The following WBP11 variants were observed in gnomAD, a reference collection of about 807,000 sequenced individuals.
The protein encoded by WBP11 is WW domain binding protein 11, also known as WW domain-binding protein 11.
Under a neutral mutation model 66.7 loss-of-function variants are expected in WBP11, and 12 were observed. The observed-to-expected ratio is 0.18, with a 90% CI of 0.12 to 0.29. The LOEUF (loss-of-function observed/expected upper bound fraction) is 0.29. Among genes scored for constraint, WBP11 ranks in the 10% least tolerant of loss-of-function variants. WBP11 has a pLI of 1.00. For synonymous variants in WBP11, 255 were observed against 273.8 expected (o/e 0.93, Z 0.68); for missense variants, 555 against 818.3 (o/e 0.68, Z 3.93).
intron 4 of WBP11, 90 bp from the exon 5 acceptor site, chr12:14,797,093 C>T (rs1350294564): frequency 9.0e-7 from 1 of 1,106,750 alleles, no homozygotes; most frequent in Admixed American, 3.1e-5. Flanking sequence ...TCCATATATG[C>T]TAAAAAATTT....
Position 14,796,371 on chromosome 12 carries a change from T to C in WBP11, c.387+436A>G, listed in dbSNP as rs184880937. The stretch of plus-strand genomic sequence containing the variant: ...TGCAGGTTCACACAGTAGGTATATG[T>C]TTAGTTTTAGAAGAAACTGCTATAA... On this transcript the variant is annotated intron_variant, in intron 5 of 11. Transcript: ENST00000261167. This position sits in a 1 kb window ranked among gnomAD's most constrained non-coding sequence, Gnocchi z 4.5. 1.3e-5 allele frequency among the ~76,000 whole-genome samples: 2 copies of C among 152,328 alleles called. No individual in the cohort carries two copies. Among genetic ancestry groups the C allele is most frequent in the South Asian group, 2.1e-4 (1 of 4,824 alleles).
rs1333361396 is a variant in WBP11 at position 14,785,199 on chromosome 12, G to A, written c.*1866C>T. 6.6e-6 allele frequency: 1 copy of A among 152,164 alleles called. No homozygotes were observed. The highest frequency in any genetic ancestry group is 1.5e-5 in the Non-Finnish European group (1 of 68,054). The allele number at this position is 152,164 out of a possible 1,614,324, so 9.4% of individuals were successfully genotyped here. A position where few individuals can be genotyped will look rare whatever the true frequency, so the allele number is the denominator to read the frequency against. ...GGCCAGAGATCACTTGAACCCAGGA[G>A]TTTCAGGCTGCAGTGAGCTATGATC... On this transcript the variant is annotated 3_prime_UTR_variant, in exon 12 of 12. Coordinates refer to ENST00000261167, the MANE Select transcript of WBP11 (RefSeq NM_016312.3).
chr12:14,788,498 C>T (rs1375230443), intron 11 of WBP11, among the ~76,000 whole-genome samples: 2 of 151,572 alleles, frequency 1.3e-5, no homozygotes, highest in Non-Finnish European at 2.9e-5. Flanking sequence ...AAAGCCCCAG[C>T]TGGGGCACTG....
In WBP11 at chr12:14,785,984, TTTACA is replaced by T. The variant is rs1949750031; in HGVS notation, c.*1076_*1080del. The T allele has an allele frequency of 6.6e-6, 1 of 152,148 alleles. No homozygotes were observed. Among genetic ancestry groups the T allele is most frequent in the African/African-American group, 2.4e-5 (1 of 41,432 alleles). 9.4% of individuals were successfully genotyped at this position (152,148 alleles called of 1,614,324 possible). ...GAGTTAGTCTAAATTGGTAGATGAG[TTTACA>T]TTAAAGCACTTTGTAAAGAAAATGG... On this transcript the variant is annotated 3_prime_UTR_variant, in exon 12 of 12. Transcript: ENST00000261167.
At chr12:14,801,282 C>A in intron 2 of WBP11, 38 bp downstream of exon 2, 2 of 1,603,028 alleles carry the variant, frequency 1.2e-6, no homozygotes, top group Non-Finnish European at 1.7e-6. Context: ...ATTTTTAACA[C>A]TCTCCTACTT....
intron 4 of WBP11, 155 bp downstream of exon 4, chr12:14,799,480 A>AG (rs1275370050): frequency 7.6e-6 from 5 of 660,456 alleles, no homozygotes; most frequent in African/African-American, 7.5e-5. Flanking sequence ...ACAGCCCTCT[A>AG]GCACTCCATT....
In WBP11 at chr12:14,795,066, T is replaced by C. The variant is rs1390494989; in HGVS notation, c.426A>G (p.Pro142=). 3.1e-6 allele frequency: 5 copies of C among 1,613,198 alleles called. No individual in the cohort carries two copies. In the South Asian group the frequency reaches 5.5e-5, roughly 18 times the overall value. The part of the protein sequence containing the change: ...QHVEVESIPL[P]DMPHAPSNIL... ...TGTTGGAAGGAGCATGTGGCATATC[T>C]GGCAAAGGAATACTCTCCACTTCCA... The change falls in exon 6 of 12, where the codon CCA becomes CCG. Residue 142 remains proline, a synonymous_variant. Coordinates refer to ENST00000261167, the MANE Select transcript of WBP11 (RefSeq NM_016312.3).
At chr12:14,794,440 A>G (rs1949864035) in intron 7 of WBP11, 97 bp downstream of exon 7, 1 of 1,361,626 alleles carries the variant, frequency 7.3e-7, no homozygotes, top group East Asian at 2.3e-5. Flanking sequence ...ATACCCTCTC[A>G]TTTACTTTCT....
Position 14,794,580 on chromosome 12 carries a change from G to A in WBP11, c.678C>T (p.Pro226=). ...ACATGTCTTCATCTCGCCTACGAGG[G>A]GGAAGATCTAGGGCAAAACCCACTT... ...GRKVGFALDL[P]PRRRDEDMLY... is the part of the protein sequence containing the mutation. The change falls in exon 7 of 12, where the codon CCC becomes CCT. Residue 226 remains proline, a synonymous_variant. Transcript: ENST00000261167. 1 of 1,614,052 alleles carries A rather than the reference G, an allele frequency of 6.2e-7. No homozygotes were observed.
chr12:14,787,551 CTACTAT>C, intron 11 of WBP11, 53 bp from the exon 12 acceptor site: 1 of 1,408,010 alleles, frequency 7.1e-7, no homozygotes. Context: ...TAAAATTTAA[CTACTAT>C]TAAGGACATT....
At chr12:14,790,882 A>G in intron 9 of WBP11, 133 bp from the exon 10 acceptor site, 1 of 880,970 alleles carries the variant, frequency 1.1e-6, no homozygotes, top group East Asian at 2.5e-5. Context: ...CTTCAATAAA[A>G]TACTTAGATG....
At chr12:14,802,694 G>A (rs963047847) in intron 1 of WBP11, among the ~76,000 whole-genome samples, 6 of 151,676 alleles carry the variant, frequency 4.0e-5, no homozygotes, top group Non-Finnish European at 8.8e-5. Context: ...AACTGGGGAT[G>A]GGGGGGTTAG....
At chr12:14,794,149 A>T (rs1949860016) in intron 7 of WBP11, among the ~76,000 whole-genome samples, 1 of 151,896 alleles carries the variant, frequency 6.6e-6, no homozygotes, top group African/African-American at 2.4e-5. Context: ...AGATTTTTTT[A>T]AAAAGAGTTC....
chr12:14,801,155 C>T (rs1949957640), intron 2 of WBP11, 165 bp downstream of exon 2: 7 of 549,554 alleles, frequency 1.3e-5, no homozygotes. Context: ...GTACTAATTT[C>T]TTTGCATATT....
rs1344345625 is a variant in WBP11 at position 14,787,458 on chromosome 12, C to T, written c.1533G>A (p.Leu511=). The T allele has an allele frequency of 6.6e-7, 1 of 1,523,550 alleles. No individual in the cohort carries two copies. Among genetic ancestry groups the T allele is most frequent in the East Asian group, 2.3e-5 (1 of 44,038 alleles). 94.4% of individuals were successfully genotyped at this position (1,523,550 alleles called of 1,614,324 possible). A position where few individuals can be genotyped will look rare whatever the true frequency, so the allele number is the denominator to read the frequency against. ...PPRPGMMRPP[L]VPPLGPAPPG... ...GGGGGGCAGGTCCAAGGGGAGGCACCAAAGGTGGGCGCATCATGCCAGGAC... is the reference window on the plus strand; with the variant it reads ...GGGGGGCAGGTCCAAGGGGAGGCACTAAAGGTGGGCGCATCATGCCAGGAC... The change falls in exon 12 of 12, where the codon TTG becomes TTA. Residue 511 remains leucine, a synonymous_variant. Transcript: ENST00000261167.
At chr12:14,802,846 A>G (rs1013495007) in intron 1 of WBP11, among the ~76,000 whole-genome samples, 6 of 152,102 alleles carry the variant, frequency 3.9e-5, no homozygotes, top group Admixed American at 2.0e-4. Context: ...CATGTTCTGA[A>G]TCTCCTCCCC....
At chr12:14,794,472 A>G (rs959871868) in intron 7 of WBP11, 65 bp downstream of exon 7, 4 of 1,568,360 alleles carry the variant, frequency 2.6e-6, no homozygotes, top group Non-Finnish European at 3.5e-6. Context: ...GTGGTGAACA[A>G]TATGTTAAAC....
chr12:14,794,066 T>C, intron 7 of WBP11, 144 bp from the exon 8 acceptor site: 1 of 652,718 alleles, frequency 1.5e-6, no homozygotes, highest in Non-Finnish European at 2.3e-6. Flanking sequence ...AATTCTTGTA[T>C]ATATAGCTAC....
rs780392801 is a variant in WBP11 at position 14,794,714 on chromosome 12, T to G, written c.544A>C (p.Ile182Leu). The G allele has an allele frequency of 4.5e-6, 7 of 1,569,178 alleles. No individual in the cohort carries two copies. The highest frequency in any genetic ancestry group is 6.0e-6 in the Non-Finnish European group (7 of 1,162,830). ...AYGPPTRAVSILPLLGHGVPR... is the reference protein window; with the variant it reads ...AYGPPTRAVSLLPLLGHGVPR... The stretch of plus-strand genomic sequence containing the variant: ...ACACCATGTCCAAGAAGAGGAAGGA[T>G]AGAAACTGCCCGAGTTGGAGGTCTG... Residue 182 changes from isoleucine to leucine, a missense_variant, in exon 7 of 12, where the codon ATC becomes CTC. Ile to Leu is a conservative substitution (Grantham distance 5). Transcript: ENST00000261167.
Sources: allele counts gnomAD v4.1 joint callset (sites outside exome capture counted in the v4.1 genomes callset), GRCh38; gene constraint gnomAD v4.1.1; non-coding constraint Gnocchi (gnomAD v3.1); transcripts MANE v1.5; gene names NCBI Gene and HGNC (gene_info 2026-07-23, HGNC 2026-07-21).